The following RANBP17 variants were observed in gnomAD, a reference collection of about 807,000 sequenced individuals.
RANBP17 encodes RAN binding protein 17, also known as ran-binding protein 17.
A neutral mutation model predicts 141.2 loss-of-function variants in RANBP17; 158 were observed. That is an observed-to-expected ratio of 1.12 (90% CI 0.98 to 1.28). The LOEUF (loss-of-function observed/expected upper bound fraction) is 1.28. Ranked by LOEUF, RANBP17 falls within the 50% of genes most tolerant of loss-of-function variation. The pLI, the probability that RANBP17 is intolerant of heterozygous loss-of-function variation, is 0.00. For missense variants in RANBP17, 1,438 were observed against 1,290.7 expected (o/e 1.11, Z -1.75); for synonymous variants, 430 against 450.0 (o/e 0.96, Z 0.56).
At chr5:170,934,660 C>A (rs1773706396) in intron 12 of RANBP17, among the ~76,000 whole-genome samples, 1 of 152,210 alleles carries the variant, frequency 6.6e-6, no homozygotes, top group Admixed American at 6.5e-5. Context: ...TGTAGAGTTT[C>A]TGCCGAGAGA....
intron 12 of RANBP17, among the ~76,000 whole-genome samples, chr5:170,931,807 T>C (rs1252148434): frequency 6.6e-6 from 1 of 152,242 alleles, no homozygotes; most frequent in Non-Finnish European, 1.5e-5. Context: ...TTGGTTACTG[T>C]AGCCTTGTAG....
intron 14 of RANBP17, among the ~76,000 whole-genome samples, chr5:171,032,234 T>G (rs1399176269): frequency 6.6e-6 from 1 of 152,122 alleles, no homozygotes; most frequent in African/African-American, 2.4e-5. Context: ...CTTTTAGATG[T>G]CCATTAAATG....
chr5:171,034,383 T>TACAC (rs1781739406), intron 14 of RANBP17, among the ~76,000 whole-genome samples: 1 of 152,188 alleles, frequency 6.6e-6, no homozygotes, highest in East Asian at 1.9e-4. Flanking sequence ...TAACACATAC[T>TACAC]GTAGTTGTAG....
rs1052041713 is a variant in RANBP17 at position 170,862,169 on chromosome 5, C to T, written c.18+118C>T. The T allele has an allele frequency of 4.7e-5, 51 of 1,081,352 alleles. No homozygotes were observed. The African/African-American group carries it at 6.0e-4, about 13-fold the overall frequency. The allele number at this position is 1,081,352 out of a possible 1,614,324, so 67.0% of individuals were successfully genotyped here. A position where few individuals can be genotyped will look rare whatever the true frequency, so the allele number is the denominator to read the frequency against. On this transcript the variant is annotated intron_variant, in intron 1 of 27. Transcript: ENST00000523189. ...GGCCGCAGGGCCGTGGGCCGGTGTC[C>T]CCGGAGTCCCAGCCCCTGCCTCTGC...
chr5:171,138,592 A>C (rs865799113), intron 14 of RANBP17, among the ~76,000 whole-genome samples: 44 of 151,684 alleles, frequency 2.9e-4, no homozygotes, highest in African/African-American at 1.0e-3. Flanking sequence ...GCAGGCTTAG[A>C]GAACGAAAGC....
intron 25 of RANBP17, among the ~76,000 whole-genome samples, chr5:171,280,953 T>C (rs1008427910): frequency 6.6e-6 from 1 of 152,230 alleles, no homozygotes; most frequent in African/African-American, 2.4e-5. Flanking sequence ...ATACCAGTTA[T>C]ACTATTTGCT....
intron 20 of RANBP17, among the ~76,000 whole-genome samples, chr5:171,209,970 A>G (rs1299274614): frequency 6.6e-6 from 1 of 151,770 alleles, no homozygotes; most frequent in African/African-American, 2.4e-5. Context: ...GGACGGATGG[A>G]TGGATGGATA....
chr5:171,199,796 G>T, intron 19 of RANBP17, 23 bp downstream of exon 19: 3 of 1,444,844 alleles, frequency 2.1e-6, no homozygotes, highest in Non-Finnish European at 2.9e-6. Flanking sequence ...CCAAATATGA[G>T]GAATGACAGT....
chr5:171,000,479 C>G (rs187574244), intron 14 of RANBP17, among the ~76,000 whole-genome samples: 1 of 152,268 alleles, frequency 6.6e-6, no homozygotes, highest in East Asian at 1.9e-4. Flanking sequence ...TATAGTCAAG[C>G]TTTTTAACTT....
chr5:170,955,071 G>T (rs1020230444), intron 13 of RANBP17, among the ~76,000 whole-genome samples: 1 of 151,994 alleles, frequency 6.6e-6, no homozygotes, highest in East Asian at 1.9e-4. Flanking sequence ...TCTAATGCCT[G>T]GTGATCTGAG....
At chr5:171,259,430 A>G (rs935555992) in intron 24 of RANBP17, among the ~76,000 whole-genome samples, 2 of 152,254 alleles carry the variant, frequency 1.3e-5, no homozygotes, top group African/African-American at 2.4e-5. Flanking sequence ...TGTTTATTAC[A>G]TCAGTATTCA....
At chr5:170,897,519 C>G (rs1770237634) in intron 5 of RANBP17, among the ~76,000 whole-genome samples, 1 of 152,112 alleles carries the variant, frequency 6.6e-6, no homozygotes, top group African/African-American at 2.4e-5. Context: ...AACCAGCCAT[C>G]TATCTACATT....
chr5:171,058,425 C>T lies in RANBP17; in HGVS notation c.1710+90048C>T, dbSNP rs1428306434. Among the ~76,000 whole-genome samples, 3 of 149,238 alleles carry T rather than the reference C, an allele frequency of 2.0e-5. No homozygotes were observed. In the East Asian group the frequency reaches 6.0e-4, roughly 30 times the overall value. On this transcript the variant is annotated intron_variant, in intron 14 of 27. Transcript: ENST00000523189. The stretch of plus-strand genomic sequence containing the variant: ...GAACATGCGGTGTTTGGTTTTTTGT[C>T]CTTGTGATAGTTTGCTGAGAATGAT...
At chr5:170,919,136 A>G (rs1430226311) in intron 10 of RANBP17, among the ~76,000 whole-genome samples, 1 of 152,006 alleles carries the variant, frequency 6.6e-6, no homozygotes, top group African/African-American at 2.4e-5. Flanking sequence ...AAAAGTTTTT[A>G]AAATAATTTT....
intron 14 of RANBP17, among the ~76,000 whole-genome samples, chr5:171,120,037 CAA>C (rs34991479): frequency 5.9e-5 from 6 of 101,096 alleles, no homozygotes; most frequent in Non-Finnish European, 5.6e-5. Flanking sequence ...AACTTAGTCT[CAA>C]AAAAAAAAAA....
chr5:171,223,726 C>T (rs1201571376), intron 22 of RANBP17, among the ~76,000 whole-genome samples: 1 of 152,268 alleles, frequency 6.6e-6, no homozygotes, highest in East Asian at 1.9e-4. Context: ...TTTCTAAATA[C>T]AATTTGCCAT....
chr5:171,196,022 G>A (rs1222395637), intron 18 of RANBP17, among the ~76,000 whole-genome samples: 2 of 152,166 alleles, frequency 1.3e-5, no homozygotes, highest in Non-Finnish European at 2.9e-5. Context: ...TCAAGGCACT[G>A]GGGATACTCT....
intron 1 of RANBP17, among the ~76,000 whole-genome samples, chr5:170,864,711 A>C (rs1581642704): frequency 6.6e-6 from 1 of 152,214 alleles, no homozygotes; most frequent in Non-Finnish European, 1.5e-5. Context: ...CAGTTGATCC[A>C]ACTTTTTTGC....
At chr5:171,043,400 ACT>A (rs755565465) in intron 14 of RANBP17, among the ~76,000 whole-genome samples, 1 of 151,260 alleles carries the variant, frequency 6.6e-6, no homozygotes, top group Non-Finnish European at 1.5e-5. Flanking sequence ...TTCAGTTCTT[ACT>A]CTCTCTGTGG....
Sources: allele counts gnomAD v4.1 joint callset (sites outside exome capture counted in the v4.1 genomes callset), GRCh38; gene constraint gnomAD v4.1.1; transcripts MANE v1.5; gene names NCBI Gene and HGNC (gene_info 2026-07-23, HGNC 2026-07-21).